Variants in NLGN1 observed in about 807,000 individuals in gnomAD.
NLGN1 encodes neuroligin 1.
In NLGN1, 12 loss-of-function variants were observed where a neutral mutation model predicts 65.5. The observed-to-expected ratio is 0.18, with a 90% CI of 0.12 to 0.30. The LOEUF (loss-of-function observed/expected upper bound fraction) is 0.30, where lower values mean the gene tolerates loss of function less well. Ranked by LOEUF, NLGN1 falls within the 10% of genes least tolerant of loss-of-function variation. The pLI, the probability that NLGN1 is intolerant of heterozygous loss-of-function variation, is 1.00. For missense variants in NLGN1, 750 were observed against 1,007.1 expected (o/e 0.74, Z 3.46); for synonymous variants, 350 against 359.5 (o/e 0.97, Z 0.30).
At chr3:173,905,394 G>A (rs564628875) in intron 4 of NLGN1, among the ~76,000 whole-genome samples, 63 of 152,076 alleles carry the variant, frequency 4.1e-4, no homozygotes, top group Non-Finnish European at 6.8e-4. Context: ...AAAGCAATAC[G>A]TTAAGAAAGA....
chr3:174,170,413 T>G (rs1024592818), intron 4 of NLGN1, among the ~76,000 whole-genome samples: 1 of 152,206 alleles, frequency 6.6e-6, no homozygotes, highest in African/African-American at 2.4e-5. Context: ...GATGATCCAC[T>G]GCTGTAATCC....
At chr3:174,231,197 C>T (rs1740634469) in intron 4 of NLGN1, among the ~76,000 whole-genome samples, 1 of 152,174 alleles carries the variant, frequency 6.6e-6, no homozygotes. Context: ...AAGAGAAAAA[C>T]TTCAGCCGAA....
At chr3:173,501,107 T>A (rs1731043588) in intron 2 of NLGN1, among the ~76,000 whole-genome samples, 1 of 152,124 alleles carries the variant, frequency 6.6e-6, no homozygotes, top group Non-Finnish European at 1.5e-5. Flanking sequence ...TTTATTTTGT[T>A]AATTTTTAGT....
chr3:173,637,649 G>C (rs549309493), intron 3 of NLGN1, among the ~76,000 whole-genome samples: 1 of 152,176 alleles, frequency 6.6e-6, no homozygotes, highest in East Asian at 1.9e-4. Flanking sequence ...ATGTTATGAG[G>C]CATGTCTATG....
At chr3:173,671,163 A>C (rs1762394674) in intron 3 of NLGN1, among the ~76,000 whole-genome samples, 1 of 152,170 alleles carries the variant, frequency 6.6e-6, no homozygotes, top group Non-Finnish European at 1.5e-5. Flanking sequence ...AACTCTGAGC[A>C]ATTAGAAGAA....
chr3:173,958,787 G>C (rs1301877748), intron 4 of NLGN1, among the ~76,000 whole-genome samples: 1 of 152,180 alleles, frequency 6.6e-6, no homozygotes, highest in East Asian at 1.9e-4. Context: ...GGCTGTTCAT[G>C]CTGAGAGATG....
At chr3:173,469,986 T>TTA (rs3030765) in intron 2 of NLGN1, among the ~76,000 whole-genome samples, 15,231 of 150,576 alleles carry the variant, frequency 0.1, 840 homozygotes, top group Admixed American at 0.14. Context: ...TTATATATGA[T>TTA]TATATATATA....
At position 173,832,074 on chromosome 3, in the gene NLGN1, C is replaced by G. The variant is rs185779931; in HGVS notation, c.646+24242C>G. Among the ~76,000 whole-genome samples, 22 of 151,790 alleles carry G rather than the reference C, an allele frequency of 1.4e-4. No homozygotes were observed. In the South Asian group the frequency reaches 3.3e-3, roughly 23 times the overall value. On this transcript the variant is annotated intron_variant, in intron 4 of 6. Transcript: ENST00000457714. ...CCAGGCTTACGCGATCTTTCCACCT[C>G]AACCTCTCAAGTAGCTGGGCCACAG...
At chr3:173,675,887 T>TCTCTCTCTCTCTCTCTCTCACACA (rs756157881) in intron 3 of NLGN1, among the ~76,000 whole-genome samples, 3 of 138,642 alleles carry the variant, frequency 2.2e-5, no homozygotes, top group African/African-American at 8.4e-5. Context: ...TCTCTCTCTC[T>TCTCTCTCTCTCTCTCTCTCACACA]CACACACACA....
At chr3:173,479,244 G>A (rs571963443) in intron 2 of NLGN1, among the ~76,000 whole-genome samples, 2 of 152,244 alleles carry the variant, frequency 1.3e-5, no homozygotes, top group East Asian at 3.9e-4. Flanking sequence ...TAGAATACAG[G>A]TGGCTATATG....
At chr3:173,742,756 G>A (rs1282061604) in intron 3 of NLGN1, among the ~76,000 whole-genome samples, 2 of 152,050 alleles carry the variant, frequency 1.3e-5, no homozygotes, top group South Asian at 2.1e-4. Context: ...TTGCAAGGGA[G>A]CAAAAGTTGT....
In NLGN1 at chr3:174,047,221, G is replaced by T. The variant is rs899077238; in HGVS notation, c.647-228094G>T. Among the ~76,000 whole-genome samples the T allele has an allele frequency of 8.6e-5, 13 of 151,864 alleles. 1 individual carries two copies. Among genetic ancestry groups the T allele is most frequent in the African/African-American group, 2.7e-4 (11 of 41,402 alleles). On this transcript the variant is annotated intron_variant, in intron 4 of 6. Transcript: ENST00000457714. ...TTCACCATAATTTTATATACTGGTT[G>T]CATTAATAGTATATTTTTATAAAGT...
chr3:173,975,438 G>A (rs575497527), intron 4 of NLGN1, among the ~76,000 whole-genome samples: 203 of 152,112 alleles, frequency 1.3e-3, no homozygotes, highest in African/African-American at 4.7e-3. Flanking sequence ...TGACAGTTTG[G>A]TGCTGTGCAA....
chr3:173,632,837 G>GTTT (rs59210572), intron 3 of NLGN1, among the ~76,000 whole-genome samples: 4 of 117,786 alleles, frequency 3.4e-5, no homozygotes, highest in South Asian at 5.8e-4. Flanking sequence ...CTTGAGTAGT[G>GTTT]TTTTTTTTTT....
intron 4 of NLGN1, among the ~76,000 whole-genome samples, chr3:173,865,512 C>A: frequency 6.6e-6 from 1 of 152,126 alleles, no homozygotes; most frequent in African/African-American, 2.4e-5. Flanking sequence ...CTCAATAAAT[C>A]CCTATGATTT....
At chr3:174,005,761 T>C (rs1256062768) in intron 4 of NLGN1, among the ~76,000 whole-genome samples, 1 of 151,980 alleles carries the variant, frequency 6.6e-6, no homozygotes, top group Admixed American at 6.6e-5. Flanking sequence ...ACTTAATATA[T>C]GTATTCCTGA....
At chr3:173,814,057 CG>C (rs1718523179) in intron 4 of NLGN1, among the ~76,000 whole-genome samples, 1 of 152,226 alleles carries the variant, frequency 6.6e-6, no homozygotes, top group African/African-American at 2.4e-5. Context: ...TGTCCTCCCA[CG>C]GACGACCGTG....
At chr3:174,193,148 G>T (rs1732713876) in intron 4 of NLGN1, among the ~76,000 whole-genome samples, 1 of 152,122 alleles carries the variant, frequency 6.6e-6, no homozygotes, top group Non-Finnish European at 1.5e-5. Flanking sequence ...ACATATAACA[G>T]TTGGTACAAA....
chr3:173,574,406 T>C (rs1348623977), intron 2 of NLGN1, among the ~76,000 whole-genome samples: 2 of 151,942 alleles, frequency 1.3e-5, no homozygotes, highest in Admixed American at 6.5e-5. Context: ...AGAAAATAGA[T>C]GTTAAACTTT....
Sources: allele counts gnomAD v4.1 joint callset (sites outside exome capture counted in the v4.1 genomes callset), GRCh38; gene constraint gnomAD v4.1.1; transcripts MANE v1.5; gene names NCBI Gene and HGNC (gene_info 2026-07-23, HGNC 2026-07-21).